Variants in HCRTR2 observed in about 807,000 individuals in gnomAD.
HCRTR2 encodes the protein hypocretin receptor 2.
HCRTR2 carries 22 observed loss-of-function variants against 49.0 expected under a neutral mutation model. The observed-to-expected ratio is 0.45, with a 90% CI of 0.32 to 0.64. HCRTR2 has a LOEUF of 0.64. Ranked by LOEUF, HCRTR2 falls within the 30% of genes least tolerant of loss-of-function variation. The probability of loss-of-function intolerance (pLI) is 0.04; values close to 1 mark genes in which losing one functional copy is unlikely to be tolerated. For missense variants in HCRTR2, 491 were observed against 559.4 expected (o/e 0.88, Z 1.23); for synonymous variants, 236 against 205.3 (o/e 1.15, Z -1.28).
rs890130105 is a variant in HCRTR2, at chr6:55,109,130, A to G, written c.-378+2585A>G. Among the ~76,000 whole-genome samples the G allele has an allele frequency of 8.5e-5, 13 of 152,294 alleles. 1 individual carries two copies. The highest frequency in any genetic ancestry group is 6.5e-4 in the Admixed American group (10 of 15,286). The stretch of plus-strand genomic sequence containing the variant: ...AGCCTGGTAGCTCCACTGGGTGGCT[A>G]GACACAGAAATAACAATCACTGCAG... On this transcript the variant is annotated intron_variant, in intron 1 of 7. Transcript: ENST00000615358.
At chr6:55,111,805 C>T (rs1306221112) in intron 1 of HCRTR2, among the ~76,000 whole-genome samples, 1 of 152,040 alleles carries the variant, frequency 6.6e-6, no homozygotes, top group Admixed American at 6.6e-5. Flanking sequence ...AAGCCAGCAT[C>T]ATCCTAATAC....
intron 1 of HCRTR2, among the ~76,000 whole-genome samples, chr6:55,241,701 T>C (rs1438642557): frequency 2.0e-5 from 3 of 151,896 alleles, no homozygotes; most frequent in East Asian, 1.9e-4. Context: ...TTTGGAAAAA[T>C]TGTGTTTTCT....
chr6:55,250,600 G>C (rs920990790), intron 2 of HCRTR2, among the ~76,000 whole-genome samples: 4 of 152,136 alleles, frequency 2.6e-5, no homozygotes, highest in African/African-American at 7.2e-5. Context: ...AATGCACAGC[G>C]ATAGCTTTCT....
upstream of HCRTR2, chr6:55,174,437 A>G (rs1764998122): frequency 6.9e-6 from 5 of 722,488 alleles, no homozygotes; most frequent in East Asian, 1.3e-4. Context: ...AAGACTCCGG[A>G]GGCATTGGCT....
At chr6:55,192,413 G>GCACA (rs1554171107) in intron 1 of HCRTR2, among the ~76,000 whole-genome samples, 9,934 of 128,444 alleles carry the variant, frequency 0.077, 364 homozygotes, top group Middle Eastern at 0.093. Flanking sequence ...GCGCGCGCGC[G>GCACA]CACACACACA....
chr6:55,120,137 T>C (rs1244282692), intron 1 of HCRTR2, among the ~76,000 whole-genome samples: 1 of 152,162 alleles, frequency 6.6e-6, no homozygotes, highest in Non-Finnish European at 1.5e-5. Flanking sequence ...TATATATCTG[T>C]TTTGGTACCA....
chr6:55,173,239 C>G (rs976314494), upstream of HCRTR2, among the ~76,000 whole-genome samples: 2 of 152,062 alleles, frequency 1.3e-5, no homozygotes, highest in African/African-American at 4.8e-5. Flanking sequence ...TGGCTTGAGA[C>G]CTTGGTTTAA....
intron 1 of HCRTR2, among the ~76,000 whole-genome samples, chr6:55,241,705 G>GT (rs763350600): frequency 1.3e-4 from 20 of 151,746 alleles, no homozygotes; most frequent in Non-Finnish European, 2.4e-4. Context: ...GAAAAATTGT[G>GT]TTTTCTTTCA....
chr6:55,171,921 C>A (rs1764955875), upstream of HCRTR2, among the ~76,000 whole-genome samples: 3 of 152,108 alleles, frequency 2.0e-5, no homozygotes, highest in Non-Finnish European at 4.4e-5. Context: ...AAGGAATTTG[C>A]AGATGTTAAT....
intron 1 of HCRTR2, among the ~76,000 whole-genome samples, chr6:55,110,352 T>C (rs1240690062): frequency 1.3e-5 from 2 of 151,972 alleles, no homozygotes; most frequent in African/African-American, 4.8e-5. Flanking sequence ...ACTAGCATGA[T>C]GAATAGAATA....
At chr6:55,148,726 G>A (rs1764626519) in intron 1 of HCRTR2, among the ~76,000 whole-genome samples, 1 of 152,098 alleles carries the variant, frequency 6.6e-6, no homozygotes, top group South Asian at 2.1e-4. Flanking sequence ...GGCTGAGATT[G>A]TGAACATCAG....
intron 1 of HCRTR2, among the ~76,000 whole-genome samples, chr6:55,145,401 T>TTTTG (rs1561986119): frequency 2.4e-5 from 2 of 83,452 alleles, no homozygotes; most frequent in South Asian, 5.2e-4. Flanking sequence ...TTGTTTTTTT[T>TTTTG]TTTGTTTTTT....
intron 1 of HCRTR2, among the ~76,000 whole-genome samples, chr6:55,196,258 C>A (rs1424600400): frequency 2.0e-5 from 3 of 152,056 alleles, no homozygotes; most frequent in Admixed American, 2.0e-4. Context: ...ATCACAGTAC[C>A]CCAGCAGATG....
At chr6:55,170,291 GTATAA>G (rs1220169946), upstream of HCRTR2, among the ~76,000 whole-genome samples, 13 of 148,274 alleles carry the variant, frequency 8.8e-5, no homozygotes, top group African/African-American at 2.2e-4. Context: ...ACATGTAAAT[GTATAA>G]TATATTTATT....
intron 1 of HCRTR2, among the ~76,000 whole-genome samples, chr6:55,200,379 C>T (rs1450158991): frequency 3.3e-5 from 5 of 151,930 alleles, no homozygotes; most frequent in African/African-American, 1.2e-4. Flanking sequence ...ATTCTCCTGC[C>T]TCAGCCTCCT....
At chr6:55,178,520 T>G (rs1765078876) in intron 1 of HCRTR2, among the ~76,000 whole-genome samples, 1 of 152,190 alleles carries the variant, frequency 6.6e-6, no homozygotes, top group South Asian at 2.1e-4. Flanking sequence ...CATATACATA[T>G]TTTTCTTGAC....
Position 55,280,494 on chromosome 6 carries a change from G to A in HCRTR2, c.1105+50G>A, listed in dbSNP as rs1767168610. On this transcript the variant is annotated intron_variant, in intron 6 of 6. Transcript: ENST00000370862. ...AAGCCACAATTGTAACCAAGGATGA[G>A]GAATCAATGAACACTCTTCAACTAT... is the stretch of plus-strand genomic sequence containing the variant. 5.6e-6 allele frequency: 9 copies of A among 1,606,736 alleles called. No individual in the cohort carries two copies. The South Asian group carries it at 7.7e-5, about 14-fold the overall frequency.
rs201936916 is a variant in HCRTR2, at chr6:55,174,558, G to A, written c.-30G>A. 1.3e-6 allele frequency: 2 copies of A among 1,571,134 alleles called. No homozygotes were observed. The highest frequency in any genetic ancestry group is 1.8e-6 in the Non-Finnish European group (2 of 1,141,000). ...TGGGGCAGGCGGAGAGGAGCTTGCA[G>A]CATTGAGCGGAACCGGACTTGAGCC... On this transcript the variant is annotated 5_prime_UTR_variant, in exon 1 of 7. Coordinates refer to ENST00000370862, the MANE Select transcript of HCRTR2 (RefSeq NM_001384272.1).
chr6:55,263,347 A>G (rs922334749), intron 3 of HCRTR2, among the ~76,000 whole-genome samples: 15 of 152,058 alleles, frequency 9.9e-5, no homozygotes, highest in African/African-American at 3.4e-4. Flanking sequence ...TTTGTAAATA[A>G]AAGTTTAGAA....
Sources: gnomAD v4.1 joint callset for allele counts (sites outside exome capture counted in the v4.1 genomes callset) on GRCh38, gnomAD v4.1.1 for gene constraint, MANE v1.5 for transcripts, NCBI Gene and HGNC (gene_info 2026-07-23, HGNC 2026-07-21) for gene names.